Variants in LTBP1 observed in about 807,000 individuals in gnomAD.
The protein encoded by LTBP1 is latent transforming growth factor beta binding protein 1.
LTBP1 carries 129 observed loss-of-function variants against 207.6 expected under a neutral mutation model. The observed-to-expected ratio is 0.62, with a 90% confidence interval of 0.54 to 0.72. LTBP1 has a LOEUF of 0.72. Ranked by LOEUF, LTBP1 falls within the 30% of genes least tolerant of loss-of-function variation. LTBP1 has a pLI of 0.00. For missense variants in LTBP1, 2,281 were observed against 2,217.2 expected (o/e 1.03, Z -0.58); for synonymous variants, 963 against 833.7 (o/e 1.16, Z -2.67).
chr2:33,122,503 G>A (rs1209521611), intron 4 of LTBP1, among the ~76,000 whole-genome samples: 1 of 152,202 alleles, frequency 6.6e-6, no homozygotes, highest in Non-Finnish European at 1.5e-5. Context: ...AGGTGGCCTG[G>A]CAGAGGCACT....
At chr2:32,984,281 A>G (rs762992165) in intron 2 of LTBP1, among the ~76,000 whole-genome samples, 37 of 152,192 alleles carry the variant, frequency 2.4e-4, no homozygotes, top group Non-Finnish European at 4.9e-4. Flanking sequence ...GTTTTGGCCA[A>G]GTCTCTCTTT....
At chr2:33,138,325 C>A (rs773667674) in intron 5 of LTBP1, among the ~76,000 whole-genome samples, 4 of 152,146 alleles carry the variant, frequency 2.6e-5, no homozygotes, top group Non-Finnish European at 5.9e-5. Flanking sequence ...AATATGGTAT[C>A]CAAAGGAAGC....
intron 3 of LTBP1, among the ~76,000 whole-genome samples, chr2:33,092,255 A>G (rs186208771): frequency 4.6e-4 from 70 of 152,310 alleles, no homozygotes; most frequent in African/African-American, 1.6e-3. Context: ...GACCCTGCTC[A>G]CTCAGATCCC....
At position 33,346,422 on chromosome 2, in the gene LTBP1, G is replaced by A. The variant is rs543318101; in HGVS notation, c.3857-945G>A. Among the ~76,000 whole-genome samples the A allele has an allele frequency of 6.0e-4, 92 of 152,200 alleles. 1 individual carries two copies. The highest frequency in any genetic ancestry group is 2.2e-3 in the African/African-American group (91 of 41,532). ...GAGTAGGCCAGGCGTGGTGGCTCAC[G>A]TCTGTAATCCCAGCACTTTGGGAGG... is the stretch of plus-strand genomic sequence containing the variant. On this transcript the variant is annotated intron_variant, in intron 25 of 33. Coordinates refer to ENST00000404816, the MANE Select transcript of LTBP1 (RefSeq NM_206943.4).
In LTBP1 at chr2:33,378,217, G is replaced by T. The variant is rs1240984631; in HGVS notation, c.4712-10967G>T. Among the ~76,000 whole-genome samples the T allele has an allele frequency of 2.4e-4, 34 of 140,754 alleles. No individual in the cohort carries two copies. The South Asian group carries it at 3.3e-3, about 14-fold the overall frequency. The allele number at this position is 140,754 out of a possible 152,430, so 92.3% of individuals were successfully genotyped here. ...TGTGTGTGTGTGTGTGTGTGTGTGT[G>T]TGTGTTTTGTTTGTTTGTTTGTTTT... On this transcript the variant is annotated intron_variant, in intron 31 of 33. Transcript: ENST00000404816.
At chr2:33,057,650 C>T (rs2077068448) in intron 3 of LTBP1, among the ~76,000 whole-genome samples, 1 of 152,216 alleles carries the variant, frequency 6.6e-6, no homozygotes, top group African/African-American at 2.4e-5. Flanking sequence ...CCTGGCGCAC[C>T]CTCTGCAGCT....
At chr2:33,178,477 A>C (rs932480338) in intron 5 of LTBP1, among the ~76,000 whole-genome samples, 2 of 152,158 alleles carry the variant, frequency 1.3e-5, no homozygotes, top group South Asian at 4.2e-4. Flanking sequence ...CTGGGTTATA[A>C]ACAGAACATG....
At chr2:33,281,422 G>A (rs535808689) in intron 19 of LTBP1, among the ~76,000 whole-genome samples, 81 of 152,302 alleles carry the variant, frequency 5.3e-4, no homozygotes, top group African/African-American at 1.9e-3. Flanking sequence ...CAGAAGGCCA[G>A]TGTAGCTGAA....
chr2:32,975,589 T>C (rs904243105), intron 2 of LTBP1, among the ~76,000 whole-genome samples: 1 of 38,634 alleles, frequency 2.6e-5, no homozygotes, highest in African/African-American at 6.7e-5. Flanking sequence ...CTTTGTTTTT[T>C]TTTTTTTTTT....
chr2:33,243,738 C>T lies in LTBP1; in HGVS notation c.1953C>T (p.Thr651=). The T allele has an allele frequency of 6.2e-7, 1 of 1,614,060 alleles. No homozygotes were observed. The highest frequency in any genetic ancestry group is 8.5e-7 in the Non-Finnish European group (1 of 1,179,946). ...CLNTMGSYRC[T]CKIGFGPDPT... ...ATACCATGGGCAGCTATCGATGTAC[C>T]TGCAAAATAGGATTTGGGCCGGATC... The change falls in exon 10 of 34, where the codon ACC becomes ACT. Residue 651 remains threonine, a synonymous_variant. Transcript: ENST00000404816.
At chr2:33,287,182 CATT>C (rs1367780059) in intron 19 of LTBP1, among the ~76,000 whole-genome samples, 1 of 152,190 alleles carries the variant, frequency 6.6e-6, no homozygotes, top group Non-Finnish European at 1.5e-5. Flanking sequence ...AAATCCTTCT[CATT>C]GTATAGTTTA....
chr2:33,304,967 C>G (rs1247538895), intron 22 of LTBP1, among the ~76,000 whole-genome samples: 1 of 152,182 alleles, frequency 6.6e-6, no homozygotes, highest in Non-Finnish European at 1.5e-5. Context: ...ATAAACCAAA[C>G]AGAAATTTCT....
chr2:33,112,601 G>A (rs900335580), intron 4 of LTBP1, among the ~76,000 whole-genome samples: 5 of 152,218 alleles, frequency 3.3e-5, no homozygotes, highest in Non-Finnish European at 5.9e-5. Context: ...GAAGGGAGAT[G>A]TGGCTATTTT....
intron 9 of LTBP1, among the ~76,000 whole-genome samples, chr2:33,229,258 C>G (rs761319679): frequency 6.6e-6 from 1 of 152,042 alleles, no homozygotes; most frequent in Non-Finnish European, 1.5e-5. Flanking sequence ...TTGCTTGAGG[C>G]TAGGAGTTTA....
chr2:33,312,078 T>G (rs2094195732), intron 23 of LTBP1, among the ~76,000 whole-genome samples: 1 of 152,204 alleles, frequency 6.6e-6, no homozygotes, highest in Non-Finnish European at 1.5e-5. Flanking sequence ...TCGTTTTGAA[T>G]TATCCCTTTT....
At chr2:33,184,781 G>GTTTTTTTTTTTTTTTT in intron 5 of LTBP1, among the ~76,000 whole-genome samples, 1 of 136,384 alleles carries the variant, frequency 7.3e-6, no homozygotes, top group Non-Finnish European at 1.6e-5. Context: ...AGTATTTTCT[G>GTTTTTTTTTTTTTTTT]TTTTTTTTTT....
intron 4 of LTBP1, among the ~76,000 whole-genome samples, chr2:33,117,700 A>C (rs987720884): frequency 6.6e-6 from 1 of 152,170 alleles, no homozygotes; most frequent in South Asian, 2.1e-4. Flanking sequence ...TGCTCATGGG[A>C]GGTGTCCCTG....
chr2:33,055,861 C>G (rs575304342), intron 3 of LTBP1, among the ~76,000 whole-genome samples: 3 of 152,120 alleles, frequency 2.0e-5, no homozygotes, highest in African/African-American at 7.2e-5. Flanking sequence ...TTTTTGTGGT[C>G]CTTTGGAGAT....
chr2:32,961,076 T>A (rs1265091535), intron 2 of LTBP1, among the ~76,000 whole-genome samples: 1 of 152,226 alleles, frequency 6.6e-6, no homozygotes, highest in Non-Finnish European at 1.5e-5. Context: ...TTTTAAGGCA[T>A]GGAAAAATAT....
Sources: gnomAD v4.1 joint callset for allele counts (sites outside exome capture counted in the v4.1 genomes callset) on GRCh38, gnomAD v4.1.1 for gene constraint, MANE v1.5 for transcripts, NCBI Gene and HGNC (gene_info 2026-07-23, HGNC 2026-07-21) for gene names.